LRP6: variants seen among roughly 807,000 people sequenced by gnomAD.
LRP6 encodes low-density lipoprotein receptor-related protein 6.
A neutral mutation model predicts 184.1 loss-of-function variants in LRP6; 43 were observed. The ratio of observed to expected loss-of-function variants is 0.23; its 90% CI spans 0.18 to 0.30. The LOEUF (loss-of-function observed/expected upper bound fraction) is 0.30. LRP6 is among the 10% of genes least tolerant of loss of function. The pLI, the probability that LRP6 is intolerant of heterozygous loss-of-function variation, is 1.00. For missense variants in LRP6, 1,571 were observed against 2,005.3 expected (o/e 0.78, Z 4.14); for synonymous variants, 719 against 684.9 (o/e 1.05, Z -0.78).
At chr12:12,145,340 A>C (rs1249930576) in intron 15 of LRP6, among the ~76,000 whole-genome samples, 4 of 152,252 alleles carry the variant, frequency 2.6e-5, no homozygotes, top group East Asian at 3.9e-4. Context: ...AAAAAATGTG[A>C]AAAAAAGATT....
intron 15 of LRP6, among the ~76,000 whole-genome samples, chr12:12,143,904 T>C (rs1286139329): frequency 6.6e-6 from 1 of 152,238 alleles, no homozygotes; most frequent in African/African-American, 2.4e-5. Flanking sequence ...CTATGATGTG[T>C]ACAAGTGTGA....
At chr12:12,221,786 T>C (rs1864496362) in intron 2 of LRP6, among the ~76,000 whole-genome samples, 1 of 152,214 alleles carries the variant, frequency 6.6e-6, no homozygotes, top group African/African-American at 2.4e-5. Context: ...CCCTAAATAT[T>C]AGCTAATCAT....
chr12:12,162,549 A>G, intron 9 of LRP6, 130 bp from the exon 10 acceptor site: 1 of 737,536 alleles, frequency 1.4e-6, no homozygotes, highest in Non-Finnish European at 2.4e-6. Flanking sequence ...TTTCCTATTA[A>G]AATTCACATA....
chr12:12,247,990 A>G (rs1158299978), intron 1 of LRP6, among the ~76,000 whole-genome samples: 1 of 152,160 alleles, frequency 6.6e-6, no homozygotes, highest in African/African-American at 2.4e-5. Flanking sequence ...TGAATCCTTT[A>G]TCCTCAGATC....
At chr12:12,248,667 A>G (rs1340799181) in intron 1 of LRP6, among the ~76,000 whole-genome samples, 1 of 151,608 alleles carries the variant, frequency 6.6e-6, no homozygotes, top group East Asian at 1.9e-4. Flanking sequence ...TTTTTAGTAG[A>G]GATGGGGTTT....
At chr12:12,234,063 G>A (rs1311597407) in intron 2 of LRP6, among the ~76,000 whole-genome samples, 4 of 152,158 alleles carry the variant, frequency 2.6e-5, no homozygotes, top group Non-Finnish European at 4.4e-5. Context: ...GCCGAGGCAG[G>A]CGGATCACAA....
chr12:12,190,199 G>A (rs1334347358), intron 3 of LRP6, among the ~76,000 whole-genome samples: 1 of 152,188 alleles, frequency 6.6e-6, no homozygotes, highest in Non-Finnish European at 1.5e-5. Flanking sequence ...ACCACACAGA[G>A]TATTCCCCTT....
chr12:12,210,581 C>T (rs971576207), intron 2 of LRP6, among the ~76,000 whole-genome samples: 1 of 152,128 alleles, frequency 6.6e-6, no homozygotes, highest in Non-Finnish European at 1.5e-5. Flanking sequence ...ATCACAATTA[C>T]GAGTTGCATA....
intron 7 of LRP6, among the ~76,000 whole-genome samples, chr12:12,169,191 T>C (rs889968399): frequency 6.6e-6 from 1 of 151,626 alleles, no homozygotes; most frequent in African/African-American, 2.4e-5. Flanking sequence ...ATCGCACCAT[T>C]GCACTCCAGC....
intron 7 of LRP6, among the ~76,000 whole-genome samples, chr12:12,177,629 T>C (rs546756650): frequency 1.4e-4 from 21 of 152,278 alleles, no homozygotes; most frequent in African/African-American, 5.1e-4. Context: ...ATATGCTGTA[T>C]TTCCTAGACG....
chr12:12,138,916 C>T lies in LRP6; in HGVS notation c.3398-382G>A, dbSNP rs376762117. 1.2e-5 allele frequency: 16 copies of T among 1,369,460 alleles called. No homozygotes were observed. The African/African-American group carries it at 2.4e-4, about 20-fold the overall frequency. The allele number at this position is 1,369,460 out of a possible 1,614,324, so 84.8% of individuals were successfully genotyped here. On this transcript the variant is annotated intron_variant, in intron 15 of 22. Transcript: ENST00000261349. ...TACCTGAGGCATTTATGAAGAACAGCTTCACTCTCACCCCACCTGGCTTCT... is the reference window on the plus strand; with the variant it reads ...TACCTGAGGCATTTATGAAGAACAGTTTCACTCTCACCCCACCTGGCTTCT...
At chr12:12,165,408 C>T in intron 7 of LRP6, 113 bp from the exon 8 acceptor site, 4 of 772,604 alleles carry the variant, frequency 5.2e-6, no homozygotes, top group Non-Finnish European at 9.2e-6. Flanking sequence ...CTTGGTATTC[C>T]TATTACAATG....
intron 19 of LRP6, among the ~76,000 whole-genome samples, chr12:12,129,266 G>T (rs932173243): frequency 1.3e-5 from 2 of 152,104 alleles, no homozygotes; most frequent in Non-Finnish European, 2.9e-5. Flanking sequence ...GCTTGACCAT[G>T]CTAGTCTTTT....
At chr12:12,226,769 G>A (rs1565678061) in intron 2 of LRP6, 1 of 152,194 alleles carries the variant, frequency 6.6e-6, no homozygotes, top group Non-Finnish European at 1.5e-5. Flanking sequence ...TGAAGCGTTA[G>A]TATTTTTATA....
chr12:12,130,677 A>G, intron 19 of LRP6, 106 bp downstream of exon 19: 2 of 727,954 alleles, frequency 2.7e-6, no homozygotes, highest in South Asian at 3.1e-5. Flanking sequence ...TAATATTAAT[A>G]CTTATTACTT....
chr12:12,170,825 ACACACACG>A (rs747267610), intron 7 of LRP6, among the ~76,000 whole-genome samples: 85 of 149,276 alleles, frequency 5.7e-4, no homozygotes, highest in Non-Finnish European at 9.8e-4. Flanking sequence ...ACACACACAC[ACACACACG>A]TCTTAGATGA....
At chr12:12,190,385 C>T (rs949349908) in intron 3 of LRP6, among the ~76,000 whole-genome samples, 4 of 152,140 alleles carry the variant, frequency 2.6e-5, no homozygotes, top group Non-Finnish European at 4.4e-5. Flanking sequence ...AAATGGATCA[C>T]CAAACTGGGG....
At chr12:12,224,194 A>G (rs374494214) in intron 2 of LRP6, among the ~76,000 whole-genome samples, 3 of 152,304 alleles carry the variant, frequency 2.0e-5, no homozygotes, top group East Asian at 3.9e-4. Flanking sequence ...TGGTCTTTTA[A>G]AATTCGTATT....
intron 2 of LRP6, among the ~76,000 whole-genome samples, chr12:12,222,411 C>T (rs948875153): frequency 4.6e-5 from 7 of 151,492 alleles, no homozygotes; most frequent in Non-Finnish European, 1.0e-4. Context: ...ACTAAAAATA[C>T]AAAAAAATTA....
Sources: gnomAD v4.1 joint callset for allele counts (sites outside exome capture counted in the v4.1 genomes callset) on GRCh38, gnomAD v4.1.1 for gene constraint, MANE v1.5 for transcripts, NCBI Gene and HGNC (gene_info 2026-07-23, HGNC 2026-07-21) for gene names.